Variants in SLC6A16 observed in about 807,000 individuals in gnomAD.
The protein encoded by SLC6A16 is solute carrier family 6 member 16.
SLC6A16 carries 54 observed loss-of-function variants against 65.4 expected under a neutral mutation model. The observed-to-expected ratio is 0.83, with a 90% confidence interval of 0.66 to 1.04. The LOEUF (loss-of-function observed/expected upper bound fraction) is 1.04, where lower values mean the gene tolerates loss of function less well. Among genes scored for constraint, SLC6A16 ranks in the 50% least tolerant of loss-of-function variants. SLC6A16 has a pLI of 0.00. For missense variants in SLC6A16, 816 were observed against 914.0 expected, an observed-to-expected ratio of 0.89 and a Z score of 1.38; for synonymous variants, 330 against 346.5, an observed-to-expected ratio of 0.95 and a Z score of 0.53.
chr19:49,308,869 G>C lies in SLC6A16; in HGVS notation c.1229+7C>G. The C allele has an allele frequency of 6.2e-7, 1 of 1,614,024 alleles. No homozygotes were observed. Among genetic ancestry groups the C allele is most frequent in the Non-Finnish European group, 8.5e-7 (1 of 1,179,922 alleles). On this transcript the variant is annotated splice_region_variant and intron_variant, in intron 7 of 11. Transcript: ENST00000335875. ...GCTGAGACCCTTAACAAAGGGGCCG[G>C]CCTTACCTCTCACAGCAGCGATGTG...
the SLC6A16 span, chr19:49,337,212 G>T: frequency 6.2e-7 from 1 of 1,614,126 alleles, no homozygotes; most frequent in Non-Finnish European, 8.5e-7. Flanking sequence ...TCTCCACTCA[G>T]CGGGCCCAGG....
At chr19:49,337,651 G>C in the SLC6A16 span, 1 of 1,514,800 alleles carries the variant, frequency 6.6e-7, no homozygotes, top group Non-Finnish European at 8.8e-7. Context: ...TGGACCAAGG[G>C]AGACAGGCAT....
At chr19:49,308,224 G>A (rs35110035) in intron 7 of SLC6A16, among the ~76,000 whole-genome samples, 5 of 152,116 alleles carry the variant, frequency 3.3e-5, no homozygotes, top group South Asian at 4.1e-4. Flanking sequence ...AGGCTGAGGC[G>A]GGCGGATTAT....
chr19:49,333,297 AC>A, the SLC6A16 span, among the ~76,000 whole-genome samples: 1 of 151,808 alleles, frequency 6.6e-6, no homozygotes, highest in South Asian at 2.1e-4. Context: ...ACATGGTGAA[AC>A]CCCGTCTCTA....
intron 7 of SLC6A16, among the ~76,000 whole-genome samples, chr19:49,299,198 ATCGCACCTCTGCAGTCC>A: frequency 6.6e-6 from 1 of 151,230 alleles, no homozygotes; most frequent in East Asian, 1.9e-4. Flanking sequence ...GTGAGCCGAG[ATCGCACCTCTGCAGTCC>A]AGCCTGGGCA....
chr19:49,310,603 A>T, intron 2 of SLC6A16, 93 bp from the exon 3 acceptor site: 1 of 1,407,834 alleles, frequency 7.1e-7, no homozygotes, highest in Non-Finnish European at 9.9e-7. Flanking sequence ...CCTACCAGCG[A>T]CCTCTTCCAG....
chr19:49,331,730 A>G, the SLC6A16 span: 1 of 457,124 alleles, frequency 2.2e-6, no homozygotes, highest in East Asian at 7.0e-5. Context: ...TGAGTCTAGA[A>G]ATGGGCTGTG....
intron 7 of SLC6A16, among the ~76,000 whole-genome samples, chr19:49,295,896 C>T (rs1970176639): frequency 6.6e-6 from 1 of 152,148 alleles, no homozygotes; most frequent in Admixed American, 6.5e-5. Flanking sequence ...TGCTCCTGGC[C>T]CTTCTACACA....
chr19:49,293,771 C>A, intron 9 of SLC6A16, 56 bp downstream of exon 9: 1 of 1,490,710 alleles, frequency 6.7e-7, no homozygotes, highest in Non-Finnish European at 9.3e-7. Context: ...AAAAAAGAGT[C>A]CCAGTGGTGT....
intron 1 of SLC6A16, among the ~76,000 whole-genome samples, chr19:49,315,339 T>A (rs1421654777): frequency 6.6e-6 from 1 of 152,154 alleles, no homozygotes; most frequent in Non-Finnish European, 1.5e-5. Context: ...TGCCAGAGAA[T>A]GCAACAGCAG....
rs761279569 is a variant in SLC6A16, at chr19:49,309,321, G to C, written c.967C>G (p.Gln323Glu). 11 of 1,613,890 alleles carry C rather than the reference G, an allele frequency of 6.8e-6. No individual in the cohort carries two copies. Among genetic ancestry groups the C allele is most frequent in the Non-Finnish European group, 9.3e-6 (11 of 1,179,798 alleles). The change falls in exon 6 of 12, where the codon CAA (glutamine) becomes GAA (glutamate). Residue 323 changes from glutamine to glutamate, a missense_variant. Transcript: ENST00000335875. The part of the protein sequence containing the change: ...LLLEGAKFGL[Q>E]QLVVAKISDV... ...TTCACCTTGGCAACCACCAACTGTT[G>C]AAGGCCAAATTTTGCCCCTTCCAGG...
rs202093946 is a variant in SLC6A16, at chr19:49,290,615, T to G, written c.1931A>C (p.Asp644Ala). The G allele has an allele frequency of 7.5e-5, 121 of 1,613,818 alleles. No individual in the cohort carries two copies. Among genetic ancestry groups the G allele is most frequent in the Non-Finnish European group, 9.2e-5 (108 of 1,179,976 alleles). ...CMKPITYMSWDSSTSKEVLRP... is the reference protein window; with the variant it reads ...CMKPITYMSWASSTSKEVLRP... The stretch of plus-strand genomic sequence containing the variant: ...CTGGGGGAGGCTCACGGTGCTTGAG[T>G]CCCAGGACATGTAGGTGATCGGCTT... Residue 644 changes from aspartate to alanine, a missense_variant, in exon 11 of 12, where the codon GAC (aspartate) becomes GCC (alanine). Coordinates refer to ENST00000335875, the MANE Select transcript of SLC6A16 (RefSeq NM_014037.3).
Position 49,311,375 on chromosome 19 carries a change from C to T in SLC6A16, c.-28G>A, listed in dbSNP as rs372446146. On this transcript the variant is annotated 5_prime_UTR_variant, in exon 2 of 12. Coordinates refer to ENST00000335875, the MANE Select transcript of SLC6A16 (RefSeq NM_014037.3). ...CACACAGACTCTCTGGGGCAGCTCC[C>T]GCTTCTGCAAGGGAGGGTTCATCTT... is the stretch of plus-strand genomic sequence containing the variant. 60 of 1,529,348 alleles carry T rather than the reference C, an allele frequency of 3.9e-5. No individual in the cohort carries two copies. The East Asian group carries it at 4.3e-4, about 11-fold the overall frequency. The allele number at this position is 1,529,348 out of a possible 1,614,324, so 94.7% of individuals were successfully genotyped here. A position where few individuals can be genotyped will look rare whatever the true frequency, so the allele number is the denominator to read the frequency against.
intron 7 of SLC6A16, among the ~76,000 whole-genome samples, chr19:49,306,540 T>C (rs1845110643): frequency 6.7e-6 from 1 of 150,118 alleles, no homozygotes; most frequent in Non-Finnish European, 1.5e-5. Flanking sequence ...CTTTGTTTTT[T>C]TTTTTTCTTT....
At chr19:49,327,716 G>C (rs1450177693), upstream of SLC6A16, among the ~76,000 whole-genome samples, 2 of 152,328 alleles carry the variant, frequency 1.3e-5, no homozygotes, top group South Asian at 2.1e-4. Flanking sequence ...AGTTACTTTA[G>C]ACAGGGTAGT....
Position 49,290,241 on chromosome 19 carries a change from G to A in SLC6A16, c.2093C>T (p.Thr698Ile). The stretch of plus-strand genomic sequence containing the variant: ...ACTTAGGGGTAGGGATGTGGAGGCT[G>A]TCATAGGCCCGTCTCCGCTCTTGGG... ...FRPKSGDGPM[T>I]ASTSLPLSHQ... The change falls in exon 12 of 12, where the codon ACA becomes ATA. Residue 698 changes from threonine to isoleucine, a missense_variant. Coordinates refer to ENST00000335875, the MANE Select transcript of SLC6A16 (RefSeq NM_014037.3). 1 of 1,614,150 alleles carries A rather than the reference G, an allele frequency of 6.2e-7. No individual in the cohort carries two copies. The highest frequency in any genetic ancestry group is 1.1e-5 in the South Asian group (1 of 91,078).
At chr19:49,336,103 C>A in the SLC6A16 span, 1 of 421,404 alleles carries the variant, frequency 2.4e-6, no homozygotes, top group Non-Finnish European at 4.3e-6. Context: ...TGTCATACAG[C>A]AAGGACGTAA....
the SLC6A16 span, chr19:49,340,053 T>A: frequency 6.7e-7 from 1 of 1,503,628 alleles, no homozygotes; most frequent in African/African-American, 1.4e-5. Flanking sequence ...TACCCCCACT[T>A]GTAGCAGCTA....
the SLC6A16 span, chr19:49,335,043 G>A: frequency 6.3e-6 from 1 of 159,426 alleles, no homozygotes; most frequent in Non-Finnish European, 1.4e-5. The surrounding 1 kb of genome is among the most constrained non-coding windows in gnomAD (Gnocchi z 4.6). Flanking sequence ...ACCCAGAGAG[G>A]AGGAACAAGA....
Sources: gnomAD v4.1 joint callset for allele counts (sites outside exome capture counted in the v4.1 genomes callset) on GRCh38, gnomAD v4.1.1 for gene constraint, Gnocchi (gnomAD v3.1) non-coding constraint, MANE v1.5 for transcripts, NCBI Gene and HGNC (gene_info 2026-07-23, HGNC 2026-07-21) for gene names.